RANBP3: variants seen among roughly 807,000 people sequenced by gnomAD.
The protein encoded by RANBP3 is ran-binding protein 3.
A neutral mutation model predicts 77.3 loss-of-function variants in RANBP3; 14 were observed. That is an observed-to-expected ratio of 0.18 (90% confidence interval 0.12 to 0.28). The LOEUF (loss-of-function observed/expected upper bound fraction) is 0.28. Among genes scored for constraint, RANBP3 ranks in the 10% least tolerant of loss-of-function variants. RANBP3 has a pLI of 1.00. For missense variants in RANBP3, 586 were observed against 752.3 expected (o/e 0.78, Z 2.59); for synonymous variants, 315 against 312.4 (o/e 1.01, Z -0.09).
At chr19:5,943,963 T>C (rs1305694496) in intron 3 of RANBP3, among the ~76,000 whole-genome samples, 2 of 152,220 alleles carry the variant, frequency 1.3e-5, no homozygotes, top group South Asian at 2.1e-4. Flanking sequence ...CTGCTGCCTC[T>C]TGAAGGCCGG....
intron 5 of RANBP3, among the ~76,000 whole-genome samples, chr19:5,937,526 T>A (rs2058082466): frequency 6.6e-6 from 1 of 152,160 alleles, no homozygotes; most frequent in Non-Finnish European, 1.5e-5. Flanking sequence ...AGTCCTTTTT[T>A]CTAATGGACT....
chr19:5,921,329 A>G lies in RANBP3; in HGVS notation c.1210-8T>C. 1 of 1,612,878 alleles carries G rather than the reference A, an allele frequency of 6.2e-7. No individual in the cohort carries two copies. Among genetic ancestry groups the G allele is most frequent in the Non-Finnish European group, 8.5e-7 (1 of 1,179,510 alleles). On this transcript the variant is annotated splice_polypyrimidine_tract_variant and splice_region_variant and intron_variant, in intron 13 of 16. Transcript: ENST00000340578. The surrounding 1 kb of genome is among the most constrained non-coding windows in gnomAD (Gnocchi z 5.3). ...AAACAGCTTGCACTGCATCTGGAAC[A>G]CAGTGGCCGCCGGTAAGCAGGGACC... is the stretch of plus-strand genomic sequence containing the variant.
At chr19:5,957,672 C>T (rs10414882) in intron 2 of RANBP3, among the ~76,000 whole-genome samples, 106,420 of 151,718 alleles carry the variant, frequency 0.7, 37,594 homozygotes, top group Admixed American at 0.79. Flanking sequence ...TTTCTAATAC[C>T]GTTTCAACAA....
At chr19:5,919,814 T>G (rs1023439895) in intron 14 of RANBP3, among the ~76,000 whole-genome samples, 3 of 150,348 alleles carry the variant, frequency 2.0e-5, no homozygotes, top group Non-Finnish European at 4.4e-5. Context: ...GGCAGGAGAA[T>G]CGCGTGAACC....
At chr19:5,977,776 C>T (rs1343623318) in intron 1 of RANBP3, among the ~76,000 whole-genome samples, 5 of 152,188 alleles carry the variant, frequency 3.3e-5, no homozygotes, top group Non-Finnish European at 5.9e-5. Flanking sequence ...CAGCCCCGAG[C>T]TTGGCTGCGA....
At position 5,917,874 on chromosome 19, in the gene RANBP3, T is replaced by C; in HGVS notation, c.1580A>G (p.Glu527Gly). The C allele has an allele frequency of 6.2e-7, 1 of 1,612,810 alleles. No individual in the cohort carries two copies. The highest frequency in any genetic ancestry group is 8.5e-7 in the Non-Finnish European group (1 of 1,179,912). Residue 527 changes from glutamate to glycine, a missense_variant, in exon 16 of 17, where the codon GAG (glutamate) becomes GGG (glycine). By Grantham distance (98) the Glu-to-Gly change is moderately conservative. This residue lies in a region of RANBP3 where 128 missense variants were observed against 157.0 expected (regional missense o/e 0.82). Coordinates refer to ENST00000340578, the MANE Select transcript of RANBP3 (RefSeq NM_007322.3). The part of the protein sequence containing the change: ...QEQEAKMPAP[E>G]PGAAPSNEED... Reference sequence around the variant, plus strand: ...CTCGTTGGATGGGGCTGCCCCAGGCTCAGGCGCGGGCATCTTGGCCTCCTG... The same window carrying C: ...CTCGTTGGATGGGGCTGCCCCAGGCCCAGGCGCGGGCATCTTGGCCTCCTG...
At position 5,921,897 on chromosome 19, in the gene RANBP3, C is replaced by T. The variant is rs576997475; in HGVS notation, c.1210-576G>A. The stretch of plus-strand genomic sequence containing the variant: ...TAATAAAGAACAAGGCTCCGACCCC[C>T]GCTGCAACGTGGATGAACCTCTGGC... On this transcript the variant is annotated intron_variant, in intron 13 of 16. Coordinates refer to ENST00000340578, the MANE Select transcript of RANBP3 (RefSeq NM_007322.3). The surrounding 1 kb of genome is among the most constrained non-coding windows in gnomAD (Gnocchi z 5.3). 4.6e-5 allele frequency among the ~76,000 whole-genome samples: 7 copies of T among 152,310 alleles called. No homozygotes were observed. The highest frequency in any genetic ancestry group is 2.1e-4 in the South Asian group (1 of 4,822).
rs185538065 is a variant in RANBP3, at chr19:5,951,792, G to A, written c.79-196C>T. Among the ~76,000 whole-genome samples the A allele has an allele frequency of 4.1e-4, 62 of 152,346 alleles. 1 individual carries two copies. Among genetic ancestry groups the A allele is most frequent in the African/African-American group, 1.4e-3 (60 of 41,574 alleles). ...CGGCTCTCCGGCTGACGGAAGGGAA[G>A]TGAGAGTGGACTAGGTGCCATGTGA... On this transcript the variant is annotated intron_variant, in intron 2 of 16. Coordinates refer to ENST00000340578, the MANE Select transcript of RANBP3 (RefSeq NM_007322.3).
At chr19:5,926,683 C>G (rs549364116) in intron 9 of RANBP3, among the ~76,000 whole-genome samples, 1 of 152,316 alleles carries the variant, frequency 6.6e-6, no homozygotes, top group South Asian at 2.1e-4. Flanking sequence ...AAGCAGCTGT[C>G]TCCCCAGACT....
In RANBP3 at chr19:5,917,474, G is replaced by T; in HGVS notation, c.*136C>A. 1.0e-6 allele frequency: 1 copy of T among 1,000,866 alleles called. No homozygotes were observed. The highest frequency in any genetic ancestry group is 1.4e-6 in the Non-Finnish European group (1 of 694,776). 62.0% of individuals were successfully genotyped at this position (1,000,866 alleles called of 1,614,324 possible). ...GTCTGCTTTTGAACAGGACGTGCGG[G>T]TCCAGACTGTGGCCGGCCCAGTGGG... On this transcript the variant is annotated 3_prime_UTR_variant, in exon 17 of 17. Coordinates refer to ENST00000340578, the MANE Select transcript of RANBP3 (RefSeq NM_007322.3).
At chr19:5,956,475 C>G (rs1599776996) in intron 2 of RANBP3, among the ~76,000 whole-genome samples, 1 of 152,188 alleles carries the variant, frequency 6.6e-6, no homozygotes, top group East Asian at 1.9e-4. Context: ...TTGGAAATAC[C>G]TGGAGAACCA....
At chr19:5,933,179 C>T (rs1426934670) in intron 6 of RANBP3, 4 of 490,568 alleles carry the variant, frequency 8.2e-6, no homozygotes, top group Non-Finnish European at 1.5e-5. Flanking sequence ...CCCCGCCTAG[C>T]CTGCTCCCGT....
intron 3 of RANBP3, 138 bp downstream of exon 3, chr19:5,951,255 A>T: frequency 1.2e-6 from 1 of 850,892 alleles, no homozygotes; most frequent in South Asian, 1.5e-5. Flanking sequence ...AGCTGGAAGA[A>T]ATCCTTGTCA....
Position 5,917,599 on chromosome 19 carries a change from G to A in RANBP3, c.*11C>T, listed in dbSNP as rs375916747. ...AAGCAGCAGCCTGGTGTGCAGCCGGGCTCCCGGCCGCTATGTGCTCCCGGT... is the reference window on the plus strand; with the variant it reads ...AAGCAGCAGCCTGGTGTGCAGCCGGACTCCCGGCCGCTATGTGCTCCCGGT... On this transcript the variant is annotated 3_prime_UTR_variant, in exon 17 of 17. Coordinates refer to ENST00000340578, the MANE Select transcript of RANBP3 (RefSeq NM_007322.3). 9 of 1,591,126 alleles carry A rather than the reference G, an allele frequency of 5.7e-6. No individual in the cohort carries two copies. The highest frequency in any genetic ancestry group is 7.7e-6 in the Non-Finnish European group (9 of 1,173,136).
intron 1 of RANBP3, among the ~76,000 whole-genome samples, chr19:5,967,827 C>T (rs1384298711): frequency 6.6e-6 from 1 of 152,166 alleles, no homozygotes; most frequent in African/African-American, 2.4e-5. Flanking sequence ...TTGAGACCAG[C>T]CTGGGCAACA....
Position 5,923,743 on chromosome 19 carries a change from G to A in RANBP3, c.1099+69C>T, listed in dbSNP as rs939041515. 1.2e-5 allele frequency: 16 copies of A among 1,304,922 alleles called. No homozygotes were observed. In the East Asian group the frequency reaches 2.3e-4, roughly 19 times the overall value. The allele number at this position is 1,304,922 out of a possible 1,614,324, so 80.8% of individuals were successfully genotyped here. ...CCCCTTATCCCTCCCGGCTGGGGGT[G>A]TGAATGGACCCAGCATCCCCCAAGA... On this transcript the variant is annotated intron_variant, in intron 12 of 16. Coordinates refer to ENST00000340578, the MANE Select transcript of RANBP3 (RefSeq NM_007322.3).
chr19:5,918,662 C>A (rs778063278), intron 14 of RANBP3, 24 bp from the exon 15 acceptor site: 1 of 1,607,778 alleles, frequency 6.2e-7, no homozygotes, highest in Non-Finnish European at 8.5e-7. Flanking sequence ...GGCCACTCAG[C>A]CCTGGCCCCC....
chr19:5,957,736 G>A (rs948262295), intron 2 of RANBP3, among the ~76,000 whole-genome samples, 182 bp downstream of exon 2: 1 of 152,000 alleles, frequency 6.6e-6, no homozygotes, highest in Non-Finnish European at 1.5e-5. Flanking sequence ...TCTCTCCACG[G>A]TAACCTAAAG....
chr19:5,971,128 A>G (rs2058525489), intron 1 of RANBP3, among the ~76,000 whole-genome samples: 1 of 152,204 alleles, frequency 6.6e-6, no homozygotes, highest in East Asian at 1.9e-4. Flanking sequence ...GAAATGTGGG[A>G]TGTAGCTACT....
Sources: gnomAD v4.1 joint callset for allele counts (sites outside exome capture counted in the v4.1 genomes callset) on GRCh38, gnomAD v4.1.1 for gene constraint, gnomAD v4.1.1 regional missense constraint, Gnocchi (gnomAD v3.1) non-coding constraint, MANE v1.5 for transcripts, NCBI Gene and HGNC (gene_info 2026-07-23, HGNC 2026-07-21) for gene names.